GALNTL6: variants seen among roughly 807,000 people sequenced by gnomAD.
GALNTL6 encodes the protein polypeptide N-acetylgalactosaminyltransferase-like 6.
A neutral mutation model predicts 73.7 loss-of-function variants in GALNTL6; 46 were observed. The ratio of observed to expected loss-of-function variants is 0.62; its 90% CI spans 0.49 to 0.80. The LOEUF is 0.80. Ranked by LOEUF, GALNTL6 falls within the 30% of genes least tolerant of loss-of-function variation. GALNTL6 has a pLI of 0.00. For synonymous variants in GALNTL6, 259 were observed against 263.7 expected (o/e 0.98, Z 0.17); for missense variants, 604 against 755.0 (o/e 0.80, Z 2.34).
intron 5 of GALNTL6, among the ~76,000 whole-genome samples, chr4:172,513,842 A>T (rs971258104): frequency 3.3e-5 from 5 of 151,870 alleles, no homozygotes; most frequent in African/African-American, 1.2e-4. Flanking sequence ...TCTGTGTGGG[A>T]CCTTGACTTT....
At chr4:172,113,766 C>A (rs900414923) in intron 2 of GALNTL6, among the ~76,000 whole-genome samples, 1 of 152,034 alleles carries the variant, frequency 6.6e-6, no homozygotes, top group African/African-American at 2.4e-5. Flanking sequence ...GCAGACAAGA[C>A]CCTCTGGAGT....
intron 5 of GALNTL6, among the ~76,000 whole-genome samples, chr4:172,744,554 T>C (rs1410035524): frequency 6.6e-6 from 1 of 152,126 alleles, no homozygotes; most frequent in Non-Finnish European, 1.5e-5. Flanking sequence ...ATCTAGAAGA[T>C]TTTCTATAAA....
At chr4:172,782,911 G>A (rs1214972280) in intron 5 of GALNTL6, among the ~76,000 whole-genome samples, 3 of 152,022 alleles carry the variant, frequency 2.0e-5, no homozygotes, top group East Asian at 1.9e-4. Flanking sequence ...GTGACTTTTC[G>A]AAGAGCTTGT....
chr4:172,427,686 A>G (rs1731282810), intron 5 of GALNTL6, among the ~76,000 whole-genome samples: 1 of 152,184 alleles, frequency 6.6e-6, no homozygotes, highest in Non-Finnish European at 1.5e-5. Flanking sequence ...GATATTAATT[A>G]GGTTAAAGTC....
intron 5 of GALNTL6, among the ~76,000 whole-genome samples, chr4:172,640,557 C>T (rs1414573670): frequency 6.6e-6 from 1 of 152,102 alleles, no homozygotes; most frequent in Non-Finnish European, 1.5e-5. Flanking sequence ...GCTGGTTTCT[C>T]CTGAAGCCAC....
At chr4:172,461,089 C>A (rs1346163850) in intron 5 of GALNTL6, among the ~76,000 whole-genome samples, 1 of 152,040 alleles carries the variant, frequency 6.6e-6, no homozygotes, top group East Asian at 1.9e-4. Flanking sequence ...AAGCTGGAAA[C>A]CATCATTCTC....
chr4:172,576,948 G>A (rs961122315), intron 5 of GALNTL6, among the ~76,000 whole-genome samples: 1 of 152,090 alleles, frequency 6.6e-6, no homozygotes, highest in Non-Finnish European at 1.5e-5. Flanking sequence ...ATTTGAGAGC[G>A]TACCTTGAGC....
intron 2 of GALNTL6, among the ~76,000 whole-genome samples, chr4:171,977,500 T>G (rs1739756461): frequency 6.6e-6 from 1 of 151,340 alleles, no homozygotes; most frequent in Non-Finnish European, 1.5e-5. Context: ...GGCTGTCTTC[T>G]CTCTGCATCT....
At chr4:172,363,678 C>T (rs1742456824) in intron 5 of GALNTL6, among the ~76,000 whole-genome samples, 2 of 152,050 alleles carry the variant, frequency 1.3e-5, no homozygotes. Context: ...AAGGGAAGTA[C>T]CTGGGTCATA....
At chr4:172,345,080 T>C (rs1741693111) in intron 4 of GALNTL6, among the ~76,000 whole-genome samples, 1 of 143,916 alleles carries the variant, frequency 6.9e-6, no homozygotes. Flanking sequence ...CTTAGCACAT[T>C]ATGAAGAGGT....
chr4:172,353,567 G>A (rs1742040194), intron 5 of GALNTL6, among the ~76,000 whole-genome samples: 1 of 152,014 alleles, frequency 6.6e-6, no homozygotes, highest in Non-Finnish European at 1.5e-5. Flanking sequence ...TATAGCATTT[G>A]ATGTTTAATT....
intron 5 of GALNTL6, among the ~76,000 whole-genome samples, chr4:172,486,818 G>A (rs943637785): frequency 2.0e-5 from 3 of 152,056 alleles, no homozygotes; most frequent in East Asian, 1.9e-4. Context: ...TCTCACAACC[G>A]TTTTTACATT....
At chr4:172,357,707 C>T (rs1247155006) in intron 5 of GALNTL6, among the ~76,000 whole-genome samples, 1 of 149,852 alleles carries the variant, frequency 6.7e-6, no homozygotes, top group Non-Finnish European at 1.5e-5. Context: ...AACTTGTGGC[C>T]ATCTCACAAC....
At chr4:171,945,236 C>T (rs2111020805) in intron 2 of GALNTL6, among the ~76,000 whole-genome samples, 1 of 152,178 alleles carries the variant, frequency 6.6e-6, no homozygotes, top group African/African-American at 2.4e-5. Context: ...ATCATTGAAA[C>T]AGATGCTGGT....
At position 172,357,965 on chromosome 4, in the gene GALNTL6, C is replaced by A. The variant is rs182371713; in HGVS notation, c.553+9276C>A. ...TAAGCAATTCTTTTTTTGATTGGGTCCATGTTTTCGTCTGGTTTTGCCAAG... is the reference window on the plus strand; with the variant it reads ...TAAGCAATTCTTTTTTTGATTGGGTACATGTTTTCGTCTGGTTTTGCCAAG... On this transcript the variant is annotated intron_variant, in intron 5 of 12. Transcript: ENST00000506823. Among the ~76,000 whole-genome samples, 154 of 152,084 alleles carry A rather than the reference C, an allele frequency of 1.0e-3. 1 individual carries two copies. In the South Asian group the frequency reaches 0.016, roughly 16 times the overall value.
intron 5 of GALNTL6, among the ~76,000 whole-genome samples, chr4:172,386,138 C>G (rs1293551524): frequency 6.6e-6 from 1 of 151,952 alleles, no homozygotes; most frequent in Non-Finnish European, 1.5e-5. Context: ...TATTCAATGC[C>G]TTTTAAATCA....
At chr4:172,989,793 TC>T (rs1438823766) in intron 10 of GALNTL6, among the ~76,000 whole-genome samples, 4 of 152,216 alleles carry the variant, frequency 2.6e-5, no homozygotes, top group Non-Finnish European at 5.9e-5. Context: ...CAATTAAACC[TC>T]TTTTCTTATA....
intron 5 of GALNTL6, among the ~76,000 whole-genome samples, chr4:172,761,832 T>G (rs1433483904): frequency 6.6e-6 from 1 of 152,216 alleles, no homozygotes; most frequent in Non-Finnish European, 1.5e-5. Context: ...TAAACCTCTT[T>G]TCTTCATAAA....
At chr4:172,660,211 C>T (rs532497829) in intron 5 of GALNTL6, among the ~76,000 whole-genome samples, 1 of 152,214 alleles carries the variant, frequency 6.6e-6, no homozygotes, top group South Asian at 2.1e-4. Context: ...ATAAAAACAA[C>T]TATGATGGCC....
Sources: allele counts gnomAD v4.1 joint callset (sites outside exome capture counted in the v4.1 genomes callset), GRCh38; gene constraint gnomAD v4.1.1; transcripts MANE v1.5; gene names NCBI Gene and HGNC (gene_info 2026-07-23, HGNC 2026-07-21).